Variants in NUP205 observed in about 807,000 individuals in gnomAD.
NUP205 encodes nuclear pore complex protein Nup205.
Under a neutral mutation model 253.8 loss-of-function variants are expected in NUP205, and 76 were observed. The observed-to-expected ratio is 0.30, with a 90% CI of 0.25 to 0.36. The LOEUF (loss-of-function observed/expected upper bound fraction) is 0.36. NUP205 is among the 10% of genes least tolerant of loss of function. NUP205 has a pLI of 1.00. For missense variants in NUP205, 2,162 were observed against 2,425.5 expected, an observed-to-expected ratio of 0.89 and a Z score of 2.28; for synonymous variants, 832 against 850.1, an observed-to-expected ratio of 0.98 and a Z score of 0.37.
intron 11 of NUP205, among the ~76,000 whole-genome samples, chr7:135,592,666 C>T (rs1485873073): frequency 1.3e-5 from 2 of 152,274 alleles, no homozygotes; most frequent in East Asian, 3.9e-4. Context: ...GCAGGCGGAT[C>T]ACTTGAGGTC....
chr7:135,643,348 A>T lies in NUP205; in HGVS notation c.5549A>T (p.Glu1850Val). 6.2e-7 allele frequency: 1 copy of T among 1,613,632 alleles called. No individual in the cohort carries two copies. Among genetic ancestry groups the T allele is most frequent in the South Asian group, 1.1e-5 (1 of 91,020 alleles). Reference protein sequence around the residue: ...LQNVEQLPPDEIKELCQSVMP... With the variant: ...LQNVEQLPPDVIKELCQSVMP... Reference sequence around the variant, plus strand: ...AATGTAGAGCAGCTTCCCCCAGATGAGATAAAAGAGGTACGAATCTTATAA... The same window carrying T: ...AATGTAGAGCAGCTTCCCCCAGATGTGATAAAAGAGGTACGAATCTTATAA... Residue 1850 changes from glutamate to valine, a missense_variant, in exon 39 of 43, where the codon GAG (glutamate) becomes GTG (valine). Physicochemically the swap from Glu to Val is moderately radical, Grantham distance 121 (BLOSUM62 -2). Transcript: ENST00000285968.
chr7:135,594,841 C>T, intron 13 of NUP205, 112 bp downstream of exon 13: 1 of 777,962 alleles, frequency 1.3e-6, no homozygotes, highest in Non-Finnish European at 2.0e-6. Flanking sequence ...ATGAACATCC[C>T]AACTAGAGTT....
Position 135,584,960 on chromosome 7 carries a change from A to C in NUP205, c.1171A>C (p.Arg391=). 1 of 1,613,892 alleles carries C rather than the reference A, an allele frequency of 6.2e-7. No homozygotes were observed. ...TTATCAGGAAGAATTTTATATTCGCAGAGTCCATAATCTCATCACAGATTT... is the reference window on the plus strand; with the variant it reads ...TTATCAGGAAGAATTTTATATTCGCCGAGTCCATAATCTCATCACAGATTT... ...YFYQEEFYIR[R]VHNLITDFLA... The change falls in exon 8 of 43, where the codon AGA becomes CGA. Residue 391 remains arginine, a synonymous_variant. Coordinates refer to ENST00000285968, the MANE Select transcript of NUP205 (RefSeq NM_015135.3).
chr7:135,616,878 A>G (rs1794372856), intron 25 of NUP205, 152 bp downstream of exon 25: 2 of 640,908 alleles, frequency 3.1e-6, no homozygotes, highest in Non-Finnish European at 4.9e-6. Flanking sequence ...AATTTTTTTT[A>G]TAATAGGATT....
chr7:135,571,687 T>G (rs1806002371), intron 2 of NUP205, among the ~76,000 whole-genome samples: 1 of 152,178 alleles, frequency 6.6e-6, no homozygotes, highest in Admixed American at 6.6e-5. Flanking sequence ...ATTCATCCCC[T>G]CAAGCATTTA....
intron 35 of NUP205, among the ~76,000 whole-genome samples, chr7:135,633,315 C>T (rs1414830411): frequency 6.6e-6 from 1 of 152,042 alleles, no homozygotes; most frequent in Non-Finnish European, 1.5e-5. Context: ...GGTTGGAGTG[C>T]AGTGGCATGA....
At chr7:135,618,665 T>G in intron 28 of NUP205, 62 bp downstream of exon 28, 1 of 1,384,856 alleles carries the variant, frequency 7.2e-7, no homozygotes, top group Non-Finnish European at 9.8e-7. Flanking sequence ...ACAAATATAT[T>G]TTGGCATCCT....
intron 31 of NUP205, among the ~76,000 whole-genome samples, chr7:135,623,284 AAAAAT>A (rs940630009): frequency 3.9e-5 from 6 of 152,344 alleles, no homozygotes; most frequent in Middle Eastern, 3.4e-3. Context: ...CCCTGCTGCA[AAAAAT>A]AAAATAAAAT....
At chr7:135,617,327 A>G (rs1294997738) in intron 26 of NUP205, 80 bp downstream of exon 26, 3 of 1,338,602 alleles carry the variant, frequency 2.2e-6, no homozygotes, top group African/African-American at 1.5e-5. Flanking sequence ...AGAACCATAT[A>G]GGTTTTCTTT....
chr7:135,573,909 A>T, intron 3 of NUP205, 84 bp downstream of exon 3: 2 of 1,070,800 alleles, frequency 1.9e-6, no homozygotes, highest in Admixed American at 4.7e-5. Context: ...TATTGTTTAG[A>T]TTCTATCATA....
At chr7:135,641,164 C>T (rs1563140492) in intron 38 of NUP205, among the ~76,000 whole-genome samples, 1 of 152,162 alleles carries the variant, frequency 6.6e-6, no homozygotes, top group Non-Finnish European at 1.5e-5. Flanking sequence ...TCTGAATGCG[C>T]AAATATTTTC....
intron 21 of NUP205, 75 bp downstream of exon 21, chr7:135,606,990 G>T: frequency 7.1e-7 from 1 of 1,410,944 alleles, no homozygotes. Flanking sequence ...TGCATTCTGG[G>T]CTCATGGGAT....
intron 22 of NUP205, among the ~76,000 whole-genome samples, chr7:135,612,435 G>A (rs1218737259): frequency 6.6e-6 from 1 of 152,200 alleles, no homozygotes; most frequent in Non-Finnish European, 1.5e-5. Context: ...ATCTAATGTA[G>A]TATTTTATCT....
chr7:135,583,507 C>T (rs1806367410), intron 7 of NUP205, among the ~76,000 whole-genome samples: 1 of 152,148 alleles, frequency 6.6e-6, no homozygotes, highest in African/African-American at 2.4e-5. Flanking sequence ...CGCCTGTAAT[C>T]CCAGCACTTT....
At chr7:135,645,148 T>A in intron 40 of NUP205, 130 bp downstream of exon 40, 2 of 1,006,272 alleles carry the variant, frequency 2.0e-6, no homozygotes, top group Non-Finnish European at 3.0e-6. Flanking sequence ...AGTAAATGCC[T>A]AATGTATTTC....
Position 135,591,507 on chromosome 7 carries a change from A to G in NUP205, c.1531A>G (p.Ile511Val), listed in dbSNP as rs531405506. 13 of 1,614,044 alleles carry G rather than the reference A, an allele frequency of 8.1e-6. No homozygotes were observed. In the South Asian group the frequency reaches 1.3e-4, roughly 16 times the overall value. Reference protein sequence around the residue: ...MGDLLPPTIYIPYLKMLQGLA... With the variant: ...MGDLLPPTIYVPYLKMLQGLA... ...TGACCTGTTGCCTCCAACTATTTAT[A>G]TTCCTTATTTGAAGATGCTCCAGGG... Residue 511 changes from isoleucine to valine, a missense_variant, in exon 11 of 43, where the codon ATT (isoleucine) becomes GTT (valine). Physicochemically the swap from Ile to Val is conservative, Grantham distance 29 (BLOSUM62 3). This residue lies in a region of NUP205 where 892 missense variants were observed against 957.1 expected (regional missense o/e 0.93). Coordinates refer to ENST00000285968, the MANE Select transcript of NUP205 (RefSeq NM_015135.3).
intron 7 of NUP205, among the ~76,000 whole-genome samples, chr7:135,579,537 T>G (rs1468367724): frequency 6.6e-6 from 1 of 152,182 alleles, no homozygotes; most frequent in Non-Finnish European, 1.5e-5. Context: ...CCTTTTATTT[T>G]TATATATTTT....
intron 2 of NUP205, among the ~76,000 whole-genome samples, chr7:135,572,780 C>T (rs961719451): frequency 6.6e-6 from 1 of 152,132 alleles, no homozygotes; most frequent in Admixed American, 6.5e-5. Flanking sequence ...GTCTTGAACT[C>T]CTGGCCTCAA....
rs2129490262 is a variant in NUP205, at chr7:135,591,701, C to T, written c.1624+101C>T. ...CATTGGTGTTTGAACTAGGTTCTAC[C>T]AGAGGTATAAATTATTTTCATAACA... is the stretch of plus-strand genomic sequence containing the variant. On this transcript the variant is annotated intron_variant, in intron 11 of 42. Transcript: ENST00000285968. The T allele has an allele frequency of 4.0e-6, 4 of 1,004,622 alleles. No homozygotes were observed. The South Asian group carries it at 4.9e-5, about 12-fold the overall frequency. 62.2% of individuals were successfully genotyped at this position (1,004,622 alleles called of 1,614,324 possible).
Sources: allele counts gnomAD v4.1 joint callset (sites outside exome capture counted in the v4.1 genomes callset), GRCh38; gene constraint gnomAD v4.1.1; regional missense constraint gnomAD v4.1.1; transcripts MANE v1.5; gene names NCBI Gene and HGNC (gene_info 2026-07-23, HGNC 2026-07-21).